The following FARS2 variants were observed in gnomAD, a reference collection of about 807,000 sequenced individuals.
The protein encoded by FARS2 is phenylalanyl-tRNA synthetase 2, mitochondrial.
A neutral mutation model predicts 46.4 loss-of-function variants in FARS2; 40 were observed. The ratio of observed to expected loss-of-function variants is 0.86; its 90% CI spans 0.67 to 1.12. The LOEUF (loss-of-function observed/expected upper bound fraction) is 1.12. Ranked by LOEUF, FARS2 falls within the 50% of genes most tolerant of loss-of-function variation. The probability of loss-of-function intolerance (pLI) is 0.00; values close to 1 mark genes in which losing one functional copy is unlikely to be tolerated. For missense variants in FARS2, 513 were observed against 567.9 expected (o/e 0.90, Z 0.98); for synonymous variants, 234 against 214.9 (o/e 1.09, Z -0.78).
At chr6:5,393,148 C>G (rs1760678225) in intron 2 of FARS2, among the ~76,000 whole-genome samples, 1 of 151,832 alleles carries the variant, frequency 6.6e-6, no homozygotes, top group Non-Finnish European at 1.5e-5. Flanking sequence ...ACTAGTATTT[C>G]TGATTGATCT....
At chr6:5,609,285 T>A (rs1171351711) in intron 5 of FARS2, 18 of 1,056,760 alleles carry the variant, frequency 1.7e-5, no homozygotes, top group Non-Finnish European at 2.6e-5. Flanking sequence ...CTAGCCACCT[T>A]GGTTTCATGG....
rs1166836822 is a variant in FARS2 at position 5,264,483 on chromosome 6, CTTTTCTT to C, written c.-22+2835_-22+2841del. Among the ~76,000 whole-genome samples the C allele has an allele frequency of 2.7e-4, 41 of 149,796 alleles. 1 individual carries two copies. In the East Asian group the frequency reaches 5.3e-3, roughly 19 times the overall value. On this transcript the variant is annotated intron_variant, in intron 1 of 6. Coordinates refer to ENST00000274680, the MANE Select transcript of FARS2 (RefSeq NM_006567.5). ...CTAAGTACTATAGGTTATGGTTTTT[CTTTTCTT>C]TTTTCTTTTTTTTTTTTTTTGAGAC...
chr6:5,318,789 C>T (rs1176692091), intron 1 of FARS2, among the ~76,000 whole-genome samples: 1 of 152,040 alleles, frequency 6.6e-6, no homozygotes, highest in Non-Finnish European at 1.5e-5. Flanking sequence ...AAGAGTAGGT[C>T]CGCAACCAGT....
chr6:5,762,433 T>C (rs1477142428), intron 6 of FARS2, among the ~76,000 whole-genome samples: 1 of 152,110 alleles, frequency 6.6e-6, no homozygotes, highest in Non-Finnish European at 1.5e-5. Context: ...GCAGTTATTG[T>C]CATATACACA....
intron 6 of FARS2, among the ~76,000 whole-genome samples, chr6:5,620,139 ATG>A (rs1010651308): frequency 7.2e-5 from 11 of 151,822 alleles, no homozygotes; most frequent in African/African-American, 2.4e-4. Context: ...GCATTATACG[ATG>A]TTTAGCAGAA....
intron 1 of FARS2, among the ~76,000 whole-genome samples, chr6:5,290,370 G>A (rs1004613502): frequency 2.2e-4 from 34 of 152,196 alleles, no homozygotes; most frequent in Non-Finnish European, 1.3e-4. Context: ...CTCACAGACT[G>A]CATTTAAGTT....
intron 6 of FARS2, among the ~76,000 whole-genome samples, chr6:5,647,276 C>T (rs1328778708): frequency 1.3e-5 from 2 of 152,176 alleles, no homozygotes; most frequent in African/African-American, 2.4e-5. Flanking sequence ...TCTTCTTCAT[C>T]TCTGTTCCCT....
chr6:5,642,855 C>T (rs2150742876), intron 6 of FARS2, among the ~76,000 whole-genome samples: 1 of 152,342 alleles, frequency 6.6e-6, no homozygotes, highest in Admixed American at 6.5e-5. Context: ...TCGCTGGATT[C>T]ATCAAATCTC....
intron 3 of FARS2, among the ~76,000 whole-genome samples, chr6:5,421,225 A>G (rs1762530163): frequency 6.6e-6 from 1 of 151,106 alleles, no homozygotes; most frequent in African/African-American, 2.4e-5. Context: ...CCGAAGCCAC[A>G]GCCCGAGCTC....
At chr6:5,495,239 C>G (rs1767383401) in intron 4 of FARS2, among the ~76,000 whole-genome samples, 1 of 152,206 alleles carries the variant, frequency 6.6e-6, no homozygotes, top group Non-Finnish European at 1.5e-5. Context: ...TGCTTTTGAG[C>G]CAAGGTAGTG....
chr6:5,674,193 T>TAAAAAA (rs71540878), intron 6 of FARS2, among the ~76,000 whole-genome samples: 1 of 76,340 alleles, frequency 1.3e-5, no homozygotes, highest in Middle Eastern at 0.011. Context: ...GCATTCTCAT[T>TAAAAAA]AAAAAAAAAA....
Position 5,353,211 on chromosome 6 carries a change from C to CAACATAATGTTGAATTCAACATA in FARS2, c.-21-15338_-21-15337insACATAATGTTGAATTCAACATAA, listed in dbSNP as rs1296431057. Among the ~76,000 whole-genome samples the CAACATAATGTTGAATTCAACATA allele has an allele frequency of 3.7e-4, 57 of 152,324 alleles. No individual in the cohort carries two copies. The South Asian group carries it at 9.3e-3, about 25-fold the overall frequency. On this transcript the variant is annotated intron_variant, in intron 1 of 6. Transcript: ENST00000274680. ...TAACATAATGTGCTATAGATTCATCCATGTTGCTGTAAATGACAATTTAAT... is the reference window on the plus strand; with the variant it reads ...TAACATAATGTGCTATAGATTCATCCAACATAATGTTGAATTCAACATAATGTTGCTGTAAATGACAATTTAAT...
chr6:5,660,554 G>T (rs780665413), intron 6 of FARS2, among the ~76,000 whole-genome samples: 1 of 152,050 alleles, frequency 6.6e-6, no homozygotes, highest in Middle Eastern at 3.4e-3. Flanking sequence ...AGGCTGAGGT[G>T]GGGGGATCCC....
chr6:5,469,909 C>A (rs1397303512), intron 4 of FARS2, among the ~76,000 whole-genome samples: 1 of 152,140 alleles, frequency 6.6e-6, no homozygotes, highest in African/African-American at 2.4e-5. Flanking sequence ...TGCCCTTACA[C>A]AAGATACTTA....
At chr6:5,728,689 G>A (rs1337704871) in intron 6 of FARS2, among the ~76,000 whole-genome samples, 1 of 152,182 alleles carries the variant, frequency 6.6e-6, no homozygotes, top group Non-Finnish European at 1.5e-5. Flanking sequence ...CTAGCTGGAG[G>A]AAAGAAATGG....
intron 3 of FARS2, among the ~76,000 whole-genome samples, chr6:5,417,206 G>T (rs188890934): frequency 1.0e-3 from 159 of 151,882 alleles, no homozygotes; most frequent in Non-Finnish European, 2.1e-3. Flanking sequence ...TAGATTAATA[G>T]TTTTTTTTAC....
chr6:5,409,448 C>G (rs1487392801), intron 3 of FARS2, among the ~76,000 whole-genome samples: 1 of 141,490 alleles, frequency 7.1e-6, no homozygotes, highest in Non-Finnish European at 1.5e-5. Flanking sequence ...GAGACTGACT[C>G]AAAAAAAAAA....
At chr6:5,302,283 T>C (rs1048692105) in intron 1 of FARS2, among the ~76,000 whole-genome samples, 1 of 152,206 alleles carries the variant, frequency 6.6e-6, no homozygotes, top group South Asian at 2.1e-4. Context: ...CAGTAGGGCT[T>C]GGTGGGGACT....
At chr6:5,336,863 A>G (rs912686905) in intron 1 of FARS2, among the ~76,000 whole-genome samples, 11 of 152,240 alleles carry the variant, frequency 7.2e-5, no homozygotes, top group African/African-American at 9.6e-5. Flanking sequence ...TAAACATCAG[A>G]AGTTTTAAAT....
Sources: allele counts gnomAD v4.1 joint callset (sites outside exome capture counted in the v4.1 genomes callset), GRCh38; gene constraint gnomAD v4.1.1; transcripts MANE v1.5; gene names NCBI Gene and HGNC (gene_info 2026-07-23, HGNC 2026-07-21).